Variants in XPO5 observed in about 807,000 individuals in gnomAD.
XPO5 encodes exportin 5.
XPO5 carries 46 observed loss-of-function variants against 160.6 expected under a neutral mutation model. That is an observed-to-expected ratio of 0.29 (90% confidence interval 0.23 to 0.37). XPO5 has a LOEUF of 0.37. Among genes scored for constraint, XPO5 ranks in the 10% least tolerant of loss-of-function variants. XPO5 has a pLI of 1.00. For synonymous variants in XPO5, 537 were observed against 519.3 expected (o/e 1.03, Z -0.46); for missense variants, 1,090 against 1,463.9 (o/e 0.74, Z 4.17).
In XPO5 at chr6:43,546,591, G is replaced by A. The variant is rs369645572; in HGVS notation, c.2322C>T (p.Asp774=). The change falls in exon 20 of 32, where the codon GAC becomes GAT. Residue 774 remains aspartate (D), a synonymous_variant. Transcript: ENST00000265351. ...CTCACCTTATAAGCGCAAGCAAATT[G>A]TCAAGAAGTTTCAGAATCTGCTCTG... ...PCTEQILKLL[D]NLLALIRTHN... 9.3e-6 allele frequency: 15 copies of A among 1,610,730 alleles called. No individual in the cohort carries two copies. Among genetic ancestry groups the A allele is most frequent in the Admixed American group, 5.1e-5 (3 of 59,124 alleles).
At chr6:43,548,579 G>T (rs1795076394) in intron 17 of XPO5, 119 bp from the exon 18 acceptor site, 5 of 894,530 alleles carry the variant, frequency 5.6e-6, no homozygotes, top group East Asian at 2.9e-5. Context: ...AGGCCTATAA[G>T]GTTATTATTT....
At chr6:43,560,011 G>A (rs1354836487) in intron 11 of XPO5, among the ~76,000 whole-genome samples, 167 bp downstream of exon 11, 1 of 152,194 alleles carries the variant, frequency 6.6e-6, no homozygotes, top group African/African-American at 2.4e-5. Context: ...TAGAGACGAG[G>A]TTTTGCCATG....
At position 43,536,715 on chromosome 6, in the gene XPO5, G is replaced by A. The variant is rs141993005; in HGVS notation, c.2343-2708C>T. 4.6e-3 allele frequency among the ~76,000 whole-genome samples: 599 copies of A among 129,568 alleles called. 1 individual carries two copies. The highest frequency in any genetic ancestry group is 0.017 in the African/African-American group (547 of 32,894). The allele number at this position is 129,568 out of a possible 152,430, so 85.0% of individuals were successfully genotyped here. On this transcript the variant is annotated intron_variant, in intron 20 of 31. Transcript: ENST00000265351. ...GCAGAGGTTGCAGTGAGCCAAGGTC[G>A]CGCCACTGCACTCCAGCCTGGACGA...
Position 43,548,466 on chromosome 6 carries a change from G to A in XPO5, c.1861-6C>T, listed in dbSNP as rs1233424081. 6 of 1,527,002 alleles carry A rather than the reference G, an allele frequency of 3.9e-6. No homozygotes were observed. Among genetic ancestry groups the A allele is most frequent in the Admixed American group, 3.9e-5 (2 of 51,470 alleles). 94.6% of individuals were successfully genotyped at this position (1,527,002 alleles called of 1,614,324 possible). Reference sequence around the variant, plus strand: ...TAAAGCATGTCAAAATTGGGCTACAGATCAAAAAGAAAAAAAGCCAGAGGT... The same window carrying A: ...TAAAGCATGTCAAAATTGGGCTACAAATCAAAAAGAAAAAAAGCCAGAGGT... On this transcript the variant is annotated splice_polypyrimidine_tract_variant and splice_region_variant and intron_variant, in intron 17 of 31. Coordinates refer to ENST00000265351, the MANE Select transcript of XPO5 (RefSeq NM_020750.3).
chr6:43,565,701 T>G lies in XPO5; in HGVS notation c.870A>C (p.Leu290Phe). 5.6e-6 allele frequency: 9 copies of G among 1,610,446 alleles called. No individual in the cohort carries two copies. Among genetic ancestry groups the G allele is most frequent in the Non-Finnish European group, 7.6e-6 (9 of 1,178,346 alleles). The change falls in exon 8 of 32, where the codon TTA (leucine) becomes TTC (phenylalanine). Residue 290 changes from leucine to phenylalanine, a missense_variant. Leu to Phe is a conservative substitution (Grantham distance 22, BLOSUM62 0). Transcript: ENST00000265351. ...KLEDRKPLMV[L>F]FGDVAMHYIL... ...TATAATGCATGGCAACATCTCCAAA[T>G]AAGACCATCAAGGGCTTCCGGTCTT...
chr6:43,570,261 G>A (rs1762937899), intron 5 of XPO5, among the ~76,000 whole-genome samples: 1 of 144,692 alleles, frequency 6.9e-6, no homozygotes, highest in Admixed American at 7.0e-5. Context: ...GCAGTGAGCC[G>A]GGATCACACC....
intron 20 of XPO5, chr6:43,539,388 C>T (rs1794555137): frequency 1.9e-6 from 3 of 1,578,276 alleles, no homozygotes; most frequent in South Asian, 1.1e-5. Context: ...ATCTTCAAAA[C>T]CTCATCCTTG....
rs779439691 is a variant in XPO5 at position 43,525,867 on chromosome 6, T to A, written c.3038A>T (p.Asp1013Val). ...ATGCTTCATCAGACATTTGCCCAGG[T>A]CTGTAAGCTCTGCCATAGCTGAGGG... ...VTPSAMAELT[D>V]LGKCLMKHED... The change falls in exon 28 of 32, where the codon GAC becomes GTC. Residue 1013 changes from aspartate (D) to valine (V), a missense_variant. Transcript: ENST00000265351. 8 of 1,614,036 alleles carry A rather than the reference T, an allele frequency of 5.0e-6. No individual in the cohort carries two copies. In the East Asian group the frequency reaches 1.8e-4, roughly 36 times the overall value.
At chr6:43,564,092 T>C (rs1251281177) in intron 8 of XPO5, among the ~76,000 whole-genome samples, 1 of 152,090 alleles carries the variant, frequency 6.6e-6, no homozygotes, top group Non-Finnish European at 1.5e-5. Flanking sequence ...CGGCTAATTT[T>C]TGTACTTTTA....
intron 3 of XPO5, 125 bp from the exon 4 acceptor site, chr6:43,571,119 TGAACC>T: frequency 4.1e-6 from 4 of 973,064 alleles, no homozygotes; most frequent in Non-Finnish European, 6.0e-6. Context: ...ACAGAACAAA[TGAACC>T]TGTTCTTCAG....
intron 20 of XPO5, among the ~76,000 whole-genome samples, chr6:43,538,166 T>C (rs1174210665): frequency 1.6e-4 from 22 of 134,304 alleles, no homozygotes; most frequent in Non-Finnish European, 2.8e-4. Context: ...TTTTTTTTTT[T>C]TGAAACAGAG....
At chr6:43,528,024 A>G in intron 25 of XPO5, 135 bp downstream of exon 25, 1 of 910,504 alleles carries the variant, frequency 1.1e-6, no homozygotes, top group East Asian at 2.6e-5. Flanking sequence ...CAAGCCATGT[A>G]TCACCTAGGC....
At chr6:43,528,789 A>G (rs779731474) in intron 24 of XPO5, 39 bp downstream of exon 24, 1 of 1,580,478 alleles carries the variant, frequency 6.3e-7, no homozygotes, top group East Asian at 2.2e-5. Flanking sequence ...AGAGGCCTTA[A>G]TAGTACTCTT....
In XPO5 at chr6:43,576,013, G is replaced by C. The variant is rs1211317193; in HGVS notation, c.-149C>G. The C allele has an allele frequency of 4.5e-6, 3 of 665,448 alleles. No homozygotes were observed. In the South Asian group the frequency reaches 5.8e-5, roughly 13 times the overall value. 41.2% of individuals were successfully genotyped at this position (665,448 alleles called of 1,614,324 possible). A position where few individuals can be genotyped will look rare whatever the true frequency, so the allele number is the denominator to read the frequency against. On this transcript the variant is annotated 5_prime_UTR_variant, in exon 1 of 32. Coordinates refer to ENST00000265351, the MANE Select transcript of XPO5 (RefSeq NM_020750.3). ...AGGAGGAGCGTTAGCAGCAACTCGC[G>C]CTGGGAAGAAGCCGGCGCTGCGCAC...
In XPO5 at chr6:43,523,694, T is replaced by A; in HGVS notation, c.*174A>T. On this transcript the variant is annotated 3_prime_UTR_variant, in exon 32 of 32. Transcript: ENST00000265351. ...AACTCCCTTTCTTGATACTTTAGTATAATTACTTCTGGTCCTGCACAGGGC... is the reference window on the plus strand; with the variant it reads ...AACTCCCTTTCTTGATACTTTAGTAAAATTACTTCTGGTCCTGCACAGGGC... 2.0e-6 allele frequency: 2 copies of A among 984,962 alleles called. No homozygotes were observed. Among genetic ancestry groups the A allele is most frequent in the Non-Finnish European group, 3.3e-6 (2 of 606,994 alleles). 61.0% of individuals were successfully genotyped at this position (984,962 alleles called of 1,614,324 possible).
chr6:43,546,441 G>T, intron 20 of XPO5, 130 bp downstream of exon 20: 1 of 892,348 alleles, frequency 1.1e-6, no homozygotes, highest in Non-Finnish European at 1.5e-6. Context: ...ACACCCTCTA[G>T]AAAGAAATAA....
chr6:43,575,464 C>T (rs1425580688), intron 1 of XPO5, among the ~76,000 whole-genome samples: 2 of 152,040 alleles, frequency 1.3e-5, no homozygotes, highest in Non-Finnish European at 2.9e-5. Context: ...GGTCATGTTG[C>T]GGACAAGAGT....
chr6:43,539,579 G>A (rs59052112), intron 20 of XPO5: 27 of 1,352,728 alleles, frequency 2.0e-5, no homozygotes, highest in African/African-American at 2.9e-5. Context: ...GCCCCGGCCC[G>A]GTCCACGGCT....
At chr6:43,529,210 G>T in intron 23 of XPO5, 2 of 1,422,796 alleles carry the variant, frequency 1.4e-6, no homozygotes, top group Non-Finnish European at 1.9e-6. Context: ...GGACATCCTT[G>T]TAACAAACTC....
Sources: gnomAD v4.1 joint callset for allele counts (sites outside exome capture counted in the v4.1 genomes callset) on GRCh38, gnomAD v4.1.1 for gene constraint, MANE v1.5 for transcripts, NCBI Gene and HGNC (gene_info 2026-07-23, HGNC 2026-07-21) for gene names.